Variants in CNTN4 observed in about 807,000 individuals in gnomAD.
The protein encoded by CNTN4 is contactin-4.
In CNTN4, 77 loss-of-function variants were observed where a neutral mutation model predicts 122.5. The ratio of observed to expected loss-of-function variants is 0.63; its 90% CI spans 0.52 to 0.76. The LOEUF (loss-of-function observed/expected upper bound fraction) is 0.76, where lower values mean the gene tolerates loss of function less well. Ranked by LOEUF, CNTN4 falls within the 30% of genes least tolerant of loss-of-function variation. The probability of loss-of-function intolerance (pLI) is 0.00; values close to 1 mark genes in which losing one functional copy is unlikely to be tolerated. For synonymous variants in CNTN4, 512 were observed against 447.0 expected (o/e 1.15, Z -1.83); for missense variants, 1,256 against 1,259.1 (o/e 1.00, Z 0.04).
intron 2 of CNTN4, among the ~76,000 whole-genome samples, chr3:2,231,824 T>A (rs2039498699): frequency 6.6e-6 from 1 of 152,196 alleles, no homozygotes. Flanking sequence ...ATTTAATCAA[T>A]TATGTCCTGA....
intron 2 of CNTN4, among the ~76,000 whole-genome samples, chr3:2,207,246 A>C (rs532785069): frequency 2.1e-4 from 32 of 152,170 alleles, no homozygotes; most frequent in South Asian, 6.2e-4. Flanking sequence ...AGGCCGATTA[A>C]TAACCCTCCA....
In CNTN4 at chr3:2,098,978, G is replaced by C. The variant is rs1367255564; in HGVS notation, c.-227G>C. 5 of 152,332 alleles carry C rather than the reference G, an allele frequency of 3.3e-5. No homozygotes were observed. The highest frequency in any genetic ancestry group is 5.9e-5 in the Non-Finnish European group (4 of 68,156). 9.4% of individuals were successfully genotyped at this position (152,332 alleles called of 1,614,324 possible). ...CGCCAGCCCGGCGCCCCGGTGCTGA[G>C]GTAAGTGAGGCGGCAGCTGTGCGGG... On this transcript the variant is annotated splice_region_variant and 5_prime_UTR_variant, in exon 1 of 25. Coordinates refer to ENST00000418658, the MANE Select transcript of CNTN4 (RefSeq NM_175607.3).
intron 3 of CNTN4, among the ~76,000 whole-genome samples, chr3:2,365,405 G>C (rs1489343903): frequency 6.6e-6 from 1 of 152,098 alleles, no homozygotes; most frequent in Non-Finnish European, 1.5e-5. Context: ...ATTTCTGAAT[G>C]AACATGTTTC....
At chr3:2,637,060 G>A (rs1388313175) in intron 4 of CNTN4, among the ~76,000 whole-genome samples, 3 of 149,084 alleles carry the variant, frequency 2.0e-5, no homozygotes, top group East Asian at 4.1e-4. Context: ...TCCCAACTCA[G>A]CCTCCCTAGT....
At chr3:2,262,207 CT>C (rs1341359758) in intron 2 of CNTN4, 1 of 152,170 alleles carries the variant, frequency 6.6e-6, no homozygotes, top group African/African-American at 2.4e-5. Context: ...CTTCCATTTT[CT>C]GCTCTGTATC....
At chr3:2,271,786 G>A (rs960465826) in intron 2 of CNTN4, among the ~76,000 whole-genome samples, 15 of 152,104 alleles carry the variant, frequency 9.9e-5, no homozygotes, top group African/African-American at 2.7e-4. Context: ...TCTCTGACTT[G>A]AGAACCCTAA....
At chr3:2,362,717 C>T in intron 3 of CNTN4, 1 of 341,808 alleles carries the variant, frequency 2.9e-6, no homozygotes, top group South Asian at 2.5e-5. Flanking sequence ...TACTTGGGAG[C>T]TGACAGCTCC....
chr3:3,013,103 T>C (rs865964330), intron 14 of CNTN4, among the ~76,000 whole-genome samples: 2 of 152,298 alleles, frequency 1.3e-5, no homozygotes, highest in Middle Eastern at 3.4e-3. Context: ...ATGGTAATAA[T>C]AGTATCTCAT....
At chr3:2,455,143 C>G (rs1456954959) in intron 3 of CNTN4, among the ~76,000 whole-genome samples, 1 of 152,088 alleles carries the variant, frequency 6.6e-6, no homozygotes, top group Non-Finnish European at 1.5e-5. Context: ...TAGGGATGGA[C>G]TTATGAGTTC....
chr3:2,261,106 A>C (rs1476184), intron 2 of CNTN4, among the ~76,000 whole-genome samples: 1 of 151,936 alleles, frequency 6.6e-6, no homozygotes, highest in Non-Finnish European at 1.5e-5. Context: ...CTAAATTGCA[A>C]TTGTCAAAAT....
At chr3:2,483,928 A>G (rs2076075294) in intron 3 of CNTN4, among the ~76,000 whole-genome samples, 1 of 152,208 alleles carries the variant, frequency 6.6e-6, no homozygotes, top group South Asian at 2.1e-4. Context: ...ATCAAAGGCA[A>G]GATCTATGAA....
chr3:2,199,125 A>G (rs528037238), intron 2 of CNTN4, among the ~76,000 whole-genome samples: 1 of 152,340 alleles, frequency 6.6e-6, no homozygotes, highest in African/African-American at 2.4e-5. Context: ...CTCACTTGGC[A>G]TTATTAATCC....
chr3:2,740,778 A>G (rs1454312955), intron 5 of CNTN4, among the ~76,000 whole-genome samples: 1 of 152,248 alleles, frequency 6.6e-6, no homozygotes, highest in Non-Finnish European at 1.5e-5. Context: ...TGAGATAAGT[A>G]ATTTTCAAAT....
chr3:2,310,428 A>G (rs1368660408), intron 2 of CNTN4, among the ~76,000 whole-genome samples: 1 of 152,094 alleles, frequency 6.6e-6, no homozygotes, highest in Non-Finnish European at 1.5e-5. Context: ...TTATGTCACA[A>G]TGCAGAATGT....
intron 4 of CNTN4, among the ~76,000 whole-genome samples, chr3:2,585,969 A>G (rs529690237): frequency 1.3e-5 from 2 of 152,186 alleles, no homozygotes; most frequent in Non-Finnish European, 2.9e-5. Flanking sequence ...TATTTCATCA[A>G]TGAAGATAAT....
At chr3:2,529,063 C>G (rs942071984) in intron 3 of CNTN4, among the ~76,000 whole-genome samples, 8 of 152,016 alleles carry the variant, frequency 5.3e-5, no homozygotes, top group Non-Finnish European at 8.8e-5. Context: ...TCCTATCTGC[C>G]TAGAATTTTG....
intron 4 of CNTN4, among the ~76,000 whole-genome samples, chr3:2,591,540 A>AT (rs565890958): frequency 0.034 from 2,970 of 87,822 alleles, 762 homozygotes; most frequent in African/African-American, 0.12. Context: ...AATTTTTTGT[A>AT]TTTTTAGTAG....
intron 3 of CNTN4, among the ~76,000 whole-genome samples, chr3:2,496,147 A>G (rs2076446036): frequency 1.3e-5 from 2 of 152,342 alleles, no homozygotes; most frequent in Middle Eastern, 6.8e-3. Flanking sequence ...TTTCCTCTGG[A>G]TACAAATTCT....
chr3:2,510,886 C>T (rs942332739), intron 3 of CNTN4, among the ~76,000 whole-genome samples: 5 of 152,058 alleles, frequency 3.3e-5, no homozygotes, highest in African/African-American at 1.2e-4. Flanking sequence ...TCACCAGTTC[C>T]TTTTAGAATA....
Sources: allele counts gnomAD v4.1 joint callset (sites outside exome capture counted in the v4.1 genomes callset), GRCh38; gene constraint gnomAD v4.1.1; transcripts MANE v1.5; gene names NCBI Gene and HGNC (gene_info 2026-07-23, HGNC 2026-07-21).